CAAP1: variants seen among roughly 807,000 people sequenced by gnomAD.
CAAP1 encodes the protein caspase activity and apoptosis inhibitor 1, also known as conserved anti-apoptotic protein.
Under a neutral mutation model 34.0 loss-of-function variants are expected in CAAP1, and 20 were observed. That is an observed-to-expected ratio of 0.59 (90% CI 0.41 to 0.86). The LOEUF is 0.86. CAAP1 is among the 40% of genes least tolerant of loss of function. The pLI is 0.00. For missense variants in CAAP1, 538 were observed against 450.5 expected (o/e 1.19, Z -1.76); for synonymous variants, 213 against 166.7 (o/e 1.28, Z -2.14).
chr9:26,885,040 A>C (rs1396637126), intron 3 of CAAP1, 155 bp from the exon 4 acceptor site: 1 of 520,656 alleles, frequency 1.9e-6, no homozygotes, highest in African/African-American at 2.0e-5. Context: ...ATTTAAAATA[A>C]TTTTTTCAAT....
chr9:26,880,158 G>A, intron 4 of CAAP1: 1 of 239,404 alleles, frequency 4.2e-6, no homozygotes, highest in African/African-American at 2.4e-5. Flanking sequence ...TTAAAAGGAT[G>A]TTCTCCACAC....
In CAAP1 at chr9:26,882,586, G is replaced by A. The variant is rs143530917; in HGVS notation, c.665+2224C>T. Reference sequence around the variant, plus strand: ...AGAGAATCTCTGCTAGGGCAGTGCAGAAGGGAAATGTGGGGTTGAAGCCTC... The same window carrying A: ...AGAGAATCTCTGCTAGGGCAGTGCAAAAGGGAAATGTGGGGTTGAAGCCTC... On this transcript the variant is annotated intron_variant, in intron 4 of 5. Coordinates refer to ENST00000333916, the MANE Select transcript of CAAP1 (RefSeq NM_024828.4). 8.1e-3 allele frequency among the ~76,000 whole-genome samples: 1,233 copies of A among 152,312 alleles called. 13 individuals are homozygous for A. Among genetic ancestry groups the A allele is most frequent in the African/African-American group, 0.028 (1,162 of 41,568 alleles).
rs397790530 is a variant in CAAP1 at position 26,858,996 on chromosome 9, C to CAA, written c.739+2068_739+2069dup. Among the ~76,000 whole-genome samples the CAA allele has an allele frequency of 4.8e-3, 313 of 65,214 alleles. 4 individuals are homozygous for CAA. The highest frequency in any genetic ancestry group is 9.7e-3 in the East Asian group (27 of 2,788). 42.8% of individuals were successfully genotyped at this position (65,214 alleles called of 152,430 possible). A position where few individuals can be genotyped will look rare whatever the true frequency, so the allele number is the denominator to read the frequency against. ...TGGGCAATAGAGCGAGAGACTGTCT[C>CAA]AAAAAAAAAAAAAAAAAAAAGGTTA... On this transcript the variant is annotated intron_variant, in intron 5 of 5. Transcript: ENST00000333916.
chr9:26,847,095 A>G (rs188945138), intron 5 of CAAP1, among the ~76,000 whole-genome samples: 1 of 149,558 alleles, frequency 6.7e-6, no homozygotes, highest in Non-Finnish European at 1.5e-5. Flanking sequence ...TACTTTTTTG[A>G]CTTAAAAATA....
chr9:26,843,962 A>T (rs1035371232), intron 5 of CAAP1, among the ~76,000 whole-genome samples: 6 of 152,252 alleles, frequency 3.9e-5, no homozygotes, highest in African/African-American at 1.4e-4. Context: ...TCCGCAAAGC[A>T]ACAAATATTT....
At chr9:26,856,948 T>C (rs1159480404) in intron 5 of CAAP1, among the ~76,000 whole-genome samples, 1 of 152,218 alleles carries the variant, frequency 6.6e-6, no homozygotes, top group East Asian at 1.9e-4. Context: ...CAAAATGACA[T>C]ACTTCTCCAA....
chr9:26,888,097 C>T (rs1308146099), intron 1 of CAAP1, among the ~76,000 whole-genome samples: 1 of 152,188 alleles, frequency 6.6e-6, no homozygotes, highest in African/African-American at 2.4e-5. Context: ...CAAACTACCA[C>T]AATTTTTTGC....
chr9:26,844,773 T>C (rs1273989254), intron 5 of CAAP1, among the ~76,000 whole-genome samples: 2 of 152,242 alleles, frequency 1.3e-5, no homozygotes, highest in Non-Finnish European at 2.9e-5. Flanking sequence ...AGAATACTCT[T>C]GATTCCCTGA....
intron 4 of CAAP1, among the ~76,000 whole-genome samples, chr9:26,874,071 G>A (rs1472225478): frequency 1.3e-5 from 2 of 151,730 alleles, no homozygotes; most frequent in South Asian, 2.1e-4. Flanking sequence ...GCCGGATGTG[G>A]TGGCAGGCAC....
intron 5 of CAAP1, among the ~76,000 whole-genome samples, chr9:26,860,227 T>TA (rs1230666749): frequency 6.6e-6 from 1 of 152,118 alleles, no homozygotes; most frequent in Non-Finnish European, 1.5e-5. Context: ...CTACTAAAGA[T>TA]AAAAAGAAGT....
chr9:26,865,950 G>C (rs1823125891), intron 4 of CAAP1, among the ~76,000 whole-genome samples: 1 of 152,108 alleles, frequency 6.6e-6, no homozygotes, highest in South Asian at 2.1e-4. Context: ...AGGTTCCAGG[G>C]ATTCTCCTGC....
intron 5 of CAAP1, among the ~76,000 whole-genome samples, chr9:26,857,827 G>A (rs776359263): frequency 2.6e-4 from 39 of 151,940 alleles, no homozygotes; most frequent in Non-Finnish European, 3.8e-4. Context: ...CAGTACTGCC[G>A]GTTTCAAAAA....
intron 1 of CAAP1, among the ~76,000 whole-genome samples, chr9:26,891,733 C>T (rs780944979): frequency 6.6e-6 from 1 of 152,148 alleles, no homozygotes; most frequent in Non-Finnish European, 1.5e-5. Context: ...AACTTAAAAA[C>T]ACGTATCTCA....
chr9:26,882,805 C>G (rs954888423), intron 4 of CAAP1, among the ~76,000 whole-genome samples: 3 of 152,170 alleles, frequency 2.0e-5, no homozygotes, highest in Non-Finnish European at 4.4e-5. Flanking sequence ...GCGGGGCTTT[C>G]CAAGACCATG....
intron 4 of CAAP1, among the ~76,000 whole-genome samples, chr9:26,872,796 T>C (rs933921117): frequency 2.0e-5 from 3 of 152,158 alleles, no homozygotes; most frequent in Non-Finnish European, 4.4e-5. Flanking sequence ...AATATTCTCA[T>C]GGAAATAAAA....
At chr9:26,870,547 T>TACAC (rs141036873) in intron 4 of CAAP1, among the ~76,000 whole-genome samples, 30 of 140,444 alleles carry the variant, frequency 2.1e-4, no homozygotes, top group South Asian at 1.6e-3. Context: ...TATAGACACA[T>TACAC]ACACACACAC....
In CAAP1 at chr9:26,892,618, G is replaced by A. The variant is rs1445056815; in HGVS notation, c.98C>T (p.Ala33Val). Residue 33 changes from alanine (A) to valine (V), a missense_variant, in exon 1 of 6, where the codon GCC (alanine) becomes GTC (valine). Ala to Val is a moderately conservative substitution (Grantham distance 64, BLOSUM62 0). Transcript: ENST00000333916. ...GCTAGTGCTTCCACTGCTGCCGCTG[G>A]CCAACGCGGGTACGATGTCCGGGGC... ...LAAPDIVPAL[A>V]SGSSGSTSGC... 1 of 1,609,180 alleles carries A rather than the reference G, an allele frequency of 6.2e-7. No individual in the cohort carries two copies. The highest frequency in any genetic ancestry group is 8.5e-7 in the Non-Finnish European group (1 of 1,179,454).
At chr9:26,868,739 G>A (rs1823199712) in intron 4 of CAAP1, among the ~76,000 whole-genome samples, 1 of 152,054 alleles carries the variant, frequency 6.6e-6, no homozygotes, top group Admixed American at 6.6e-5. Flanking sequence ...CAGGTGTACA[G>A]GACAACTTAC....
At chr9:26,861,189 A>G in intron 4 of CAAP1, 50 bp from the exon 5 acceptor site, 3 of 1,325,038 alleles carry the variant, frequency 2.3e-6, no homozygotes, top group Non-Finnish European at 3.2e-6. Context: ...TAATCACATA[A>G]TATTTACTAC....
Sources: gnomAD v4.1 joint callset for allele counts (sites outside exome capture counted in the v4.1 genomes callset) on GRCh38, gnomAD v4.1.1 for gene constraint, MANE v1.5 for transcripts, NCBI Gene and HGNC (gene_info 2026-07-23, HGNC 2026-07-21) for gene names.